WWOX: variants seen among roughly 807,000 people sequenced by gnomAD.
WWOX encodes the protein WW domain-containing oxidoreductase.
In WWOX, 69 loss-of-function variants were observed where a neutral mutation model predicts 46.2. The ratio of observed to expected loss-of-function variants is 1.49; its 90% CI spans 1.23 to 1.82. The LOEUF is 1.82. WWOX is among the 40% of genes most tolerant of loss of function. The probability of loss-of-function intolerance (pLI) is 0.00; values close to 1 mark genes in which losing one functional copy is unlikely to be tolerated. For synonymous variants in WWOX, 359 were observed against 202.6 expected, an observed-to-expected ratio of 1.77 and a Z score of -6.56; for missense variants, 919 against 542.6, an observed-to-expected ratio of 1.69 and a Z score of -6.89.
At chr16:79,017,876 G>C (rs2174405) in intron 8 of WWOX, among the ~76,000 whole-genome samples, 163 of 152,288 alleles carry the variant, frequency 1.1e-3, no homozygotes, top group African/African-American at 3.7e-3. Flanking sequence ...GTGGACTGTA[G>C]TTTGCTGACA....
At chr16:78,318,272 A>ATTTTTTTTTTTTTTTTTT (rs34730954) in intron 5 of WWOX, among the ~76,000 whole-genome samples, 39 of 123,548 alleles carry the variant, frequency 3.2e-4, no homozygotes, top group African/African-American at 1.1e-3. Context: ...TCTGGGAGGA[A>ATTTTTTTTTTTTTTTTTT]TTTTTTTTTT....
chr16:78,607,801 G>T (rs1488614294), intron 8 of WWOX, among the ~76,000 whole-genome samples: 2 of 152,178 alleles, frequency 1.3e-5, no homozygotes, highest in African/African-American at 4.8e-5. Flanking sequence ...TCTCTTTGGA[G>T]CGTGTCTTTT....
At chr16:78,969,252 G>C (rs1340906534) in intron 8 of WWOX, among the ~76,000 whole-genome samples, 1 of 148,382 alleles carries the variant, frequency 6.7e-6, no homozygotes, top group Non-Finnish European at 1.5e-5. Context: ...TTGCCACCCT[G>C]CTCTCTCTCT....
intron 5 of WWOX, among the ~76,000 whole-genome samples, chr16:78,216,640 C>T (rs1246096084): frequency 1.4e-4 from 22 of 152,048 alleles, no homozygotes; most frequent in Admixed American, 1.2e-3. Context: ...TCACATTTTA[C>T]CAGGACTCTT....
chr16:78,937,317 T>C (rs909628960), intron 8 of WWOX, among the ~76,000 whole-genome samples: 3 of 152,156 alleles, frequency 2.0e-5, no homozygotes, highest in African/African-American at 7.2e-5. Flanking sequence ...TCTTTAATTA[T>C]GCTAATTTGA....
chr16:79,182,812 T>G (rs1450480513), intron 8 of WWOX, among the ~76,000 whole-genome samples: 3 of 152,146 alleles, frequency 2.0e-5, no homozygotes, highest in Non-Finnish European at 4.4e-5. Context: ...GAACGAGCAC[T>G]GTGTGTGTGT....
chr16:78,534,204 C>G (rs964110836), intron 8 of WWOX, among the ~76,000 whole-genome samples: 1 of 152,218 alleles, frequency 6.6e-6, no homozygotes, highest in Non-Finnish European at 1.5e-5. Context: ...GGCTTACCCA[C>G]TCTGAGTCTT....
intron 8 of WWOX, among the ~76,000 whole-genome samples, chr16:79,164,001 G>C (rs1450573189): frequency 6.6e-6 from 1 of 151,982 alleles, no homozygotes; most frequent in Admixed American, 6.6e-5. Context: ...CAAATAAACA[G>C]TGAGAAGTAT....
intron 8 of WWOX, among the ~76,000 whole-genome samples, chr16:78,462,984 A>C: frequency 6.6e-6 from 1 of 152,076 alleles, no homozygotes; most frequent in Non-Finnish European, 1.5e-5. Context: ...ATGTCCTCTG[A>C]TCTCTCCTCT....
chr16:78,889,792 A>G (rs1322997400), intron 8 of WWOX, among the ~76,000 whole-genome samples: 6 of 152,138 alleles, frequency 3.9e-5, no homozygotes, highest in Non-Finnish European at 7.4e-5. Flanking sequence ...AACAGCTGCC[A>G]CCCGAGGTTT....
intron 5 of WWOX, among the ~76,000 whole-genome samples, chr16:78,377,232 A>G (rs62035786): frequency 0.06 from 9,149 of 152,296 alleles, 351 homozygotes; most frequent in Middle Eastern, 0.11. Context: ...TCTTTGATGT[A>G]TGCAGTACTT....
intron 8 of WWOX, among the ~76,000 whole-genome samples, chr16:78,753,339 G>C (rs1377777614): frequency 2.0e-5 from 3 of 151,800 alleles, no homozygotes; most frequent in East Asian, 3.9e-4. Flanking sequence ...AAAAAAGAAA[G>C]AAAGAACCTC....
Position 78,135,195 on chromosome 16 carries a change from C to T in WWOX, c.409+20041C>T, listed in dbSNP as rs147248707. On this transcript the variant is annotated intron_variant, in intron 4 of 8. Coordinates refer to ENST00000566780, the MANE Select transcript of WWOX (RefSeq NM_016373.4). Reference sequence around the variant, plus strand: ...GAGAAAACTCACCCACGTGCAACAACTCAAGAGTCGTTATTTACCTAGCAA... The same window carrying T: ...GAGAAAACTCACCCACGTGCAACAATTCAAGAGTCGTTATTTACCTAGCAA... 2.1e-3 allele frequency among the ~76,000 whole-genome samples: 316 copies of T among 152,336 alleles called. 2 individuals are homozygous for T. The highest frequency in any genetic ancestry group is 7.1e-3 in the African/African-American group (293 of 41,558).
chr16:78,300,402 G>C (rs1597456517), intron 5 of WWOX, among the ~76,000 whole-genome samples: 1 of 152,096 alleles, frequency 6.6e-6, no homozygotes, highest in East Asian at 1.9e-4. Flanking sequence ...GTTACTCAGT[G>C]GGTGCCATAA....
intron 8 of WWOX, among the ~76,000 whole-genome samples, chr16:78,531,221 A>T (rs919981273): frequency 6.6e-6 from 1 of 152,204 alleles, no homozygotes; most frequent in Non-Finnish European, 1.5e-5. Flanking sequence ...AGACTCTTAC[A>T]TTCAGTGCTG....
chr16:78,570,026 AAACT>A (rs905026224), intron 8 of WWOX, among the ~76,000 whole-genome samples: 1 of 152,196 alleles, frequency 6.6e-6, no homozygotes, highest in African/African-American at 2.4e-5. Context: ...TAAAACTCTA[AAACT>A]AACAGGTGGA....
At chr16:78,816,502 CTTTTTTTTTTTTTTTTT>C (rs55814418) in intron 8 of WWOX, among the ~76,000 whole-genome samples, 19 of 42,070 alleles carry the variant, frequency 4.5e-4, no homozygotes, top group Non-Finnish European at 4.2e-4. Flanking sequence ...AGGAGCCACT[CTTTTTTTTTTTTTTTTT>C]TTTTTTTTTT....
intron 6 of WWOX, among the ~76,000 whole-genome samples, chr16:78,403,190 C>A (rs1051647261): frequency 2.6e-5 from 4 of 152,178 alleles, no homozygotes; most frequent in African/African-American, 9.7e-5. Context: ...TAAGCACATT[C>A]CCCAAACAAT....
intron 5 of WWOX, among the ~76,000 whole-genome samples, chr16:78,346,934 C>G (rs1407802242): frequency 8.5e-6 from 1 of 118,148 alleles, no homozygotes; most frequent in Admixed American, 8.3e-5. Context: ...CCATGTTGAC[C>G]AGGCTGGTTT....
Sources: allele counts gnomAD v4.1 joint callset (sites outside exome capture counted in the v4.1 genomes callset), GRCh38; gene constraint gnomAD v4.1.1; transcripts MANE v1.5; gene names NCBI Gene and HGNC (gene_info 2026-07-23, HGNC 2026-07-21).